Variants in SLC6A6 observed in about 807,000 individuals in gnomAD.
SLC6A6 encodes the protein solute carrier family 6 member 6, also known as sodium- and chloride-dependent taurine transporter.
A neutral mutation model predicts 68.8 loss-of-function variants in SLC6A6; 16 were observed. The observed-to-expected ratio is 0.23, with a 90% CI of 0.16 to 0.35. The LOEUF is 0.35. SLC6A6 is among the 10% of genes least tolerant of loss of function. SLC6A6 has a pLI of 1.00. For missense variants in SLC6A6, 474 were observed against 802.8 expected (o/e 0.59, Z 4.95); for synonymous variants, 312 against 315.4 (o/e 0.99, Z 0.12).
At chr3:14,452,147 G>C (rs554829872) in intron 5 of SLC6A6, among the ~76,000 whole-genome samples, 9 of 152,296 alleles carry the variant, frequency 5.9e-5, no homozygotes, top group African/African-American at 1.9e-4. Flanking sequence ...TCCTCCCTCT[G>C]TTTTCACAGA....
chr3:14,464,302 G>A (rs1224744135), intron 6 of SLC6A6, among the ~76,000 whole-genome samples: 1 of 152,228 alleles, frequency 6.6e-6, no homozygotes, highest in Non-Finnish European at 1.5e-5. Context: ...TGTGTGGGCT[G>A]TGGGGCAGGT....
At chr3:14,412,109 C>G (rs940749317) in intron 1 of SLC6A6, among the ~76,000 whole-genome samples, 1 of 152,158 alleles carries the variant, frequency 6.6e-6, no homozygotes, top group African/African-American at 2.4e-5. Flanking sequence ...GAGGAAAGAC[C>G]ATTCTATCCA....
rs142874910 is a variant in SLC6A6 at position 14,481,655 on chromosome 3, C to T, written c.1552-16C>T. The T allele has an allele frequency of 9.5e-4, 1,524 of 1,596,622 alleles. 14 individuals carry two copies. The African/African-American group carries it at 0.019, about 19-fold the overall frequency. Reference sequence around the variant, plus strand: ...TGCCCAGGACCCCTCTCCTGACTGCCCCCATCTCTCCGCAGGGATGTTTCA... The same window carrying T: ...TGCCCAGGACCCCTCTCCTGACTGCTCCCATCTCTCCGCAGGGATGTTTCA... On this transcript the variant is annotated splice_polypyrimidine_tract_variant and intron_variant, in intron 13 of 14. Transcript: ENST00000622186. This position sits in a 1 kb window ranked among gnomAD's most constrained non-coding sequence, Gnocchi z 4.7.
rs548850812 is a variant in SLC6A6, at chr3:14,458,611, G to A, written c.732+529G>A. Among the ~76,000 whole-genome samples, 16 of 152,324 alleles carry A rather than the reference G, an allele frequency of 1.1e-4. No homozygotes were observed. The South Asian group carries it at 2.9e-3, about 28-fold the overall frequency. On this transcript the variant is annotated intron_variant, in intron 6 of 14. Transcript: ENST00000622186. The stretch of plus-strand genomic sequence containing the variant: ...CCTGCCCCAAACCTACAAACTCCAA[G>A]GCTGCGTTGTAACATTATCCCCAGA...
rs2125004128 is a variant in SLC6A6 at position 14,486,066 on chromosome 3, G to A, written c.*1059G>A. The A allele has an allele frequency of 2.0e-5, 3 of 152,860 alleles. No homozygotes were observed. Among genetic ancestry groups the A allele is most frequent in the South Asian group, 2.1e-4 (1 of 4,828 alleles). The allele number at this position is 152,860 out of a possible 1,614,324, so 9.5% of individuals were successfully genotyped here. On this transcript the variant is annotated 3_prime_UTR_variant, in exon 15 of 15. Transcript: ENST00000622186. ...TCAGCATCTCTTAAAGTTGCCTGCAGGAATGAAGCATGACATACCTGTTGA... is the reference window on the plus strand; with the variant it reads ...TCAGCATCTCTTAAAGTTGCCTGCAAGAATGAAGCATGACATACCTGTTGA...
At chr3:14,480,238 G>T (rs1700977010) in intron 13 of SLC6A6, among the ~76,000 whole-genome samples, 1 of 152,196 alleles carries the variant, frequency 6.6e-6, no homozygotes, top group Admixed American at 6.5e-5. Flanking sequence ...AATAAGTAAT[G>T]GTAAGAGCCA....
Position 14,484,939 on chromosome 3 carries a change from A to C in SLC6A6, c.1795A>C (p.Asn599His). The C allele has an allele frequency of 1.9e-6, 3 of 1,612,752 alleles. No individual in the cohort carries two copies. Among genetic ancestry groups the C allele is most frequent in the Non-Finnish European group, 2.5e-6 (3 of 1,179,914 alleles). Residue 599 changes from asparagine (N) to histidine (H), a missense_variant, in exon 15 of 15, where the codon AAC (asparagine) becomes CAC (histidine). Asn to His is a moderately conservative substitution (Grantham distance 68). Transcript: ENST00000622186. ...AVEREGATPYNSRTVMNGALV... is the reference protein window; with the variant it reads ...AVEREGATPYHSRTVMNGALV... ...GGAGCGCGAGGGAGCCACACCTTAC[A>C]ACTCTCGCACCGTCATGAACGGCGC...
intron 3 of SLC6A6, among the ~76,000 whole-genome samples, chr3:14,445,240 G>T (rs954473821): frequency 7.0e-6 from 1 of 142,300 alleles, no homozygotes; most frequent in Non-Finnish European, 1.5e-5. Context: ...GACTAACATG[G>T]TGAAACCCTG....
intron 2 of SLC6A6, among the ~76,000 whole-genome samples, chr3:14,424,588 C>CCA (rs1326092698): frequency 3.3e-5 from 5 of 152,060 alleles, no homozygotes; most frequent in African/African-American, 7.2e-5. Flanking sequence ...GGCTCAGTGG[C>CCA]CTCGGATCTG....
chr3:14,423,099 G>T (rs925833756), intron 2 of SLC6A6, among the ~76,000 whole-genome samples: 2 of 152,236 alleles, frequency 1.3e-5, no homozygotes, highest in Non-Finnish European at 2.9e-5. Flanking sequence ...GGTGGCATGT[G>T]TGTTGTCCAC....
chr3:14,473,907 A>C (rs1001375106), intron 10 of SLC6A6, among the ~76,000 whole-genome samples: 3 of 152,176 alleles, frequency 2.0e-5, no homozygotes, highest in African/African-American at 7.2e-5. Context: ...GGGCTTTGGA[A>C]ACGGCTCCCT....
chr3:14,411,141 A>G (rs1001715600), intron 1 of SLC6A6: 3 of 152,388 alleles, frequency 2.0e-5, no homozygotes, highest in African/African-American at 7.2e-5. Context: ...TCTCTTGCTC[A>G]AAAGCCTTCA....
At chr3:14,474,818 C>T (rs1002487828) in intron 10 of SLC6A6, among the ~76,000 whole-genome samples, 80 of 152,346 alleles carry the variant, frequency 5.3e-4, no homozygotes, top group Middle Eastern at 3.4e-3. Flanking sequence ...GATCTACAGC[C>T]CAGAGGCAGA....
intron 2 of SLC6A6, among the ~76,000 whole-genome samples, chr3:14,439,123 T>C (rs1468435672): frequency 6.6e-6 from 1 of 152,224 alleles, no homozygotes; most frequent in African/African-American, 2.4e-5. Context: ...CTTTCTAAGC[T>C]TTGCTCGGTG....
At chr3:14,426,337 C>A (rs1699598244) in intron 2 of SLC6A6, among the ~76,000 whole-genome samples, 1 of 152,100 alleles carries the variant, frequency 6.6e-6, no homozygotes, top group Admixed American at 6.5e-5. Context: ...CCCCCCCCAG[C>A]CATCCCAAAG....
chr3:14,449,654 G>A (rs114691843), intron 5 of SLC6A6, among the ~76,000 whole-genome samples: 1 of 152,342 alleles, frequency 6.6e-6, no homozygotes, highest in African/African-American at 2.4e-5. Context: ...ACCTGCACCT[G>A]GGGAGATGGC....
In SLC6A6 at chr3:14,477,055, A is replaced by C. The variant is rs1700894926; in HGVS notation, c.1210-150A>C. On this transcript the variant is annotated intron_variant, in intron 10 of 14. Transcript: ENST00000622186. The surrounding 1 kb of genome is among the most constrained non-coding windows in gnomAD (Gnocchi z 4.2). ...ACAGTCAGGGAGGCCAGGCTTCCACACTTGGACTTGATCTCACAGGCCAAT... is the reference window on the plus strand; with the variant it reads ...ACAGTCAGGGAGGCCAGGCTTCCACCCTTGGACTTGATCTCACAGGCCAAT... 1 of 693,242 alleles carries C rather than the reference A, an allele frequency of 1.4e-6. No individual in the cohort carries two copies. Among genetic ancestry groups the C allele is most frequent in the African/African-American group, 1.8e-5 (1 of 56,018 alleles). 42.9% of individuals were successfully genotyped at this position (693,242 alleles called of 1,614,324 possible). A position where few individuals can be genotyped will look rare whatever the true frequency, so the allele number is the denominator to read the frequency against.
intron 1 of SLC6A6, among the ~76,000 whole-genome samples, chr3:14,414,013 A>G (rs188697611): frequency 4.0e-4 from 61 of 152,230 alleles, no homozygotes; most frequent in Middle Eastern, 3.4e-3. Flanking sequence ...CTAAACTGAC[A>G]TTAAAAATAA....
Position 14,408,952 on chromosome 3 carries a change from A to G in SLC6A6, c.-54+6105A>G, listed in dbSNP as rs558618614. On this transcript the variant is annotated intron_variant, in intron 1 of 14. Coordinates refer to ENST00000622186, the MANE Select transcript of SLC6A6 (RefSeq NM_003043.6). ...CTCCCAAGTAGCTGGGACTACAGGC[A>G]CCCGCTACCACGCCCAGCTAATTTT... Among the ~76,000 whole-genome samples the G allele has an allele frequency of 5.6e-4, 85 of 152,072 alleles. 1 individual carries two copies. The highest frequency in any genetic ancestry group is 9.7e-4 in the East Asian group (5 of 5,154).
Sources: allele counts gnomAD v4.1 joint callset (sites outside exome capture counted in the v4.1 genomes callset), GRCh38; gene constraint gnomAD v4.1.1; non-coding constraint Gnocchi (gnomAD v3.1); transcripts MANE v1.5; gene names NCBI Gene and HGNC (gene_info 2026-07-23, HGNC 2026-07-21).